Variants in CAST observed in about 807,000 individuals in gnomAD.
CAST encodes the protein calpastatin.
A neutral mutation model predicts 119.6 loss-of-function variants in CAST; 76 were observed. The ratio of observed to expected loss-of-function variants is 0.64; its 90% CI spans 0.53 to 0.77. The LOEUF is 0.77. Ranked by LOEUF, CAST falls within the 30% of genes least tolerant of loss-of-function variation. The pLI is 0.00. For missense variants in CAST, 953 were observed against 946.5 expected, an observed-to-expected ratio of 1.01 and a Z score of -0.09; for synonymous variants, 319 against 331.6, an observed-to-expected ratio of 0.96 and a Z score of 0.41.
chr5:96,117,714 A>C, the CAST span, among the ~76,000 whole-genome samples: 6 of 152,226 alleles, frequency 3.9e-5, no homozygotes, highest in African/African-American at 7.2e-5. Context: ...ATATTAGACC[A>C]AACGATATTG....
At chr5:96,769,970 A>G (rs1771660485) in intron 29 of CAST, 1 of 151,916 alleles carries the variant, frequency 6.6e-6, no homozygotes, top group Admixed American at 6.6e-5. Flanking sequence ...TTATCCATTC[A>G]TCAACAACTA....
intron 3 of CAST, among the ~76,000 whole-genome samples, chr5:96,718,401 G>A (rs1757561685): frequency 6.6e-6 from 1 of 152,116 alleles, no homozygotes; most frequent in Non-Finnish European, 1.5e-5. Flanking sequence ...ACACTGGAGG[G>A]AGGGAGGAGG....
chr5:95,996,347 G>T, the CAST span, among the ~76,000 whole-genome samples: 119 of 152,248 alleles, frequency 7.8e-4, 1 homozygote, highest in African/African-American at 2.8e-3. Context: ...TCGCTGCAAG[G>T]CCATCTCAAG....
chr5:96,403,125 A>G, the CAST span, among the ~76,000 whole-genome samples: 2 of 152,134 alleles, frequency 1.3e-5, no homozygotes, highest in East Asian at 3.9e-4. Flanking sequence ...CACATATAGC[A>G]TGTGTGTCCT....
At chr5:96,630,490 A>G (rs923728404) in intron 1 of CAST, among the ~76,000 whole-genome samples, 1 of 152,228 alleles carries the variant, frequency 6.6e-6, no homozygotes, top group Non-Finnish European at 1.5e-5. Flanking sequence ...TGAATAAAGT[A>G]TCATACTCCC....
chr5:96,432,152 G>A, the CAST span: 3 of 1,534,606 alleles, frequency 2.0e-6, no homozygotes, highest in Non-Finnish European at 2.6e-6. Context: ...CCTGCAGTGG[G>A]ACTGGCCGGG....
chr5:96,031,916 C>T, the CAST span, among the ~76,000 whole-genome samples: 15 of 152,160 alleles, frequency 9.9e-5, no homozygotes, highest in African/African-American at 3.6e-4. Context: ...ATCAAGACAT[C>T]AGCTAGGACT....
intron 1 of CAST, among the ~76,000 whole-genome samples, chr5:96,572,360 C>A (rs905425123): frequency 5.3e-5 from 8 of 152,088 alleles, no homozygotes; most frequent in Admixed American, 2.6e-4. Flanking sequence ...ACCACCACAC[C>A]CAGCTAATTT....
the CAST span, among the ~76,000 whole-genome samples, chr5:96,452,666 AG>A: frequency 7.1e-6 from 1 of 139,862 alleles, no homozygotes; most frequent in Admixed American, 7.2e-5. Context: ...AAAAAAAAAA[AG>A]AGGCCGGGCG....
intron 9 of CAST, among the ~76,000 whole-genome samples, chr5:96,734,943 G>A (rs1227056309): frequency 6.6e-6 from 1 of 152,054 alleles, no homozygotes; most frequent in Non-Finnish European, 1.5e-5. Context: ...AGAGTGGATG[G>A]AATAGAAAGA....
the CAST span, among the ~76,000 whole-genome samples, chr5:96,475,876 T>C: frequency 6.6e-6 from 1 of 152,182 alleles, no homozygotes. Flanking sequence ...GGGTCACCCG[T>C]GCAGGCAAAG....
chr5:96,649,784 C>A (rs549681281), intron 1 of CAST, among the ~76,000 whole-genome samples: 14 of 152,188 alleles, frequency 9.2e-5, no homozygotes, highest in Non-Finnish European at 1.9e-4. Context: ...AAATACCATT[C>A]AAATGTAACA....
At chr5:96,523,841 A>G (rs1745555994), upstream of CAST, among the ~76,000 whole-genome samples, 1 of 152,232 alleles carries the variant, frequency 6.6e-6, no homozygotes, top group Non-Finnish European at 1.5e-5. Context: ...CTTAACATAC[A>G]TAGAATTTAC....
the CAST span, among the ~76,000 whole-genome samples, chr5:96,173,699 C>A: frequency 2.0e-5 from 3 of 151,736 alleles, no homozygotes; most frequent in Non-Finnish European, 2.9e-5. Flanking sequence ...TTATTTTTAT[C>A]ATTATATTAG....
At chr5:96,741,705 G>A (rs954168867) in intron 15 of CAST, 125 bp downstream of exon 15, 5 of 645,572 alleles carry the variant, frequency 7.7e-6, no homozygotes, top group Non-Finnish European at 1.1e-5. Context: ...GGTCTATGTG[G>A]AATAGTGAAG....
At chr5:96,710,234 C>A (rs544370849) in intron 3 of CAST, among the ~76,000 whole-genome samples, 1 of 152,186 alleles carries the variant, frequency 6.6e-6, no homozygotes, top group East Asian at 1.9e-4. Flanking sequence ...CTTATGTGAT[C>A]CTTTCTTTTA....
At chr5:96,486,108 T>A in the CAST span, among the ~76,000 whole-genome samples, 2 of 152,086 alleles carry the variant, frequency 1.3e-5, no homozygotes, top group African/African-American at 2.4e-5. Flanking sequence ...GACAGCTATA[T>A]AAAAACCCAC....
At chr5:96,315,293 C>G in the CAST span, among the ~76,000 whole-genome samples, 1 of 152,166 alleles carries the variant, frequency 6.6e-6, no homozygotes, top group East Asian at 1.9e-4. Flanking sequence ...ATCTGAAGTT[C>G]AAGTTTAACT....
chr5:96,500,711 T>C, the CAST span, among the ~76,000 whole-genome samples: 1 of 152,244 alleles, frequency 6.6e-6, no homozygotes, highest in Non-Finnish European at 1.5e-5. Context: ...CCAGTGACTT[T>C]GTCTTACATA....
Sources: allele counts gnomAD v4.1 joint callset (sites outside exome capture counted in the v4.1 genomes callset), GRCh38; gene constraint gnomAD v4.1.1; transcripts MANE v1.5; gene names NCBI Gene and HGNC (gene_info 2026-07-23, HGNC 2026-07-21).